Variants in ZNF385D observed in about 807,000 individuals in gnomAD.
ZNF385D encodes zinc finger protein 659.
ZNF385D carries 15 observed loss-of-function variants against 35.8 expected under a neutral mutation model. The ratio of observed to expected loss-of-function variants is 0.42; its 90% CI spans 0.28 to 0.64. ZNF385D has a LOEUF of 0.64. ZNF385D is among the 30% of genes least tolerant of loss of function. The probability of loss-of-function intolerance (pLI) is 0.23; values close to 1 mark genes in which losing one functional copy is unlikely to be tolerated. For missense variants in ZNF385D, 474 were observed against 494.6 expected (o/e 0.96, Z 0.39); for synonymous variants, 212 against 186.8 (o/e 1.13, Z -1.10).
intron 2 of ZNF385D, chr3:21,579,050 T>C (rs2063576451): frequency 6.6e-6 from 1 of 152,184 alleles, no homozygotes; most frequent in Non-Finnish European, 1.5e-5. Flanking sequence ...GAATCCTGTT[T>C]CTAGTGGCCT....
chr3:22,186,362 A>C (rs954512692), intron 2 of ZNF385D, among the ~76,000 whole-genome samples: 19 of 152,186 alleles, frequency 1.2e-4, no homozygotes, highest in Admixed American at 2.6e-4. Context: ...CTTCAAGGAA[A>C]TGGTCAACCA....
At chr3:22,278,582 A>G (rs1399811756) in intron 2 of ZNF385D, among the ~76,000 whole-genome samples, 1 of 152,100 alleles carries the variant, frequency 6.6e-6, no homozygotes, top group Non-Finnish European at 1.5e-5. Flanking sequence ...ATTTAGTTCT[A>G]TAATTCTCCT....
intron 2 of ZNF385D, among the ~76,000 whole-genome samples, chr3:22,174,468 G>A (rs926278282): frequency 8.5e-5 from 13 of 152,122 alleles, no homozygotes; most frequent in African/African-American, 2.7e-4. Flanking sequence ...GACTTACAAA[G>A]TCATACGACT....
chr3:22,156,744 CTAAA>C (rs1408111270), intron 3 of ZNF385D, among the ~76,000 whole-genome samples: 2 of 152,030 alleles, frequency 1.3e-5, no homozygotes, highest in African/African-American at 2.4e-5. Context: ...CTATTTCTAA[CTAAA>C]TGTTACTGTA....
chr3:21,699,352 A>T (rs2067589666), intron 1 of ZNF385D, among the ~76,000 whole-genome samples: 3 of 151,998 alleles, frequency 2.0e-5, no homozygotes, highest in Admixed American at 6.6e-5. Flanking sequence ...GTGAGGGGCT[A>T]GGGGAGGGAT....
chr3:22,129,622 G>A (rs546496010), intron 3 of ZNF385D, among the ~76,000 whole-genome samples: 6 of 152,226 alleles, frequency 3.9e-5, no homozygotes, highest in African/African-American at 1.4e-4. Context: ...CAGATTTGTG[G>A]TGACTGTAGC....
At chr3:22,137,391 T>C (rs1704209479) in intron 3 of ZNF385D, among the ~76,000 whole-genome samples, 1 of 152,070 alleles carries the variant, frequency 6.6e-6, no homozygotes, top group African/African-American at 2.4e-5. Context: ...TAGACCAATA[T>C]CCTTGATGAA....
chr3:22,272,133 C>T (rs1028941487), intron 2 of ZNF385D, among the ~76,000 whole-genome samples: 3 of 152,078 alleles, frequency 2.0e-5, no homozygotes, highest in East Asian at 1.9e-4. Context: ...ACTCTTGAGA[C>T]GACACTCAAG....
intron 3 of ZNF385D, among the ~76,000 whole-genome samples, chr3:21,823,466 C>T (rs931315894): frequency 1.3e-5 from 2 of 152,122 alleles, no homozygotes; most frequent in East Asian, 1.9e-4. Context: ...CATACACACA[C>T]GGACGCAGCA....
intron 3 of ZNF385D, among the ~76,000 whole-genome samples, chr3:22,109,934 C>T (rs898090312): frequency 3.3e-5 from 5 of 152,060 alleles, no homozygotes; most frequent in African/African-American, 9.7e-5. Flanking sequence ...TGAACTCAAA[C>T]AAATTTACAA....
intron 3 of ZNF385D, among the ~76,000 whole-genome samples, chr3:22,085,701 TTA>T (rs1183634648): frequency 6.6e-6 from 1 of 151,520 alleles, no homozygotes; most frequent in African/African-American, 2.4e-5. Context: ...CTAACTCATT[TTA>T]TGAGGCCAGA....
intron 3 of ZNF385D, among the ~76,000 whole-genome samples, chr3:22,063,275 AAC>A (rs1699778002): frequency 6.6e-6 from 1 of 152,164 alleles, no homozygotes; most frequent in South Asian, 2.1e-4. Context: ...AAATTCCTAG[AAC>A]ATTGTCTGAT....
chr3:21,798,157 T>C (rs1358422662), intron 3 of ZNF385D, among the ~76,000 whole-genome samples: 2 of 152,288 alleles, frequency 1.3e-5, no homozygotes, highest in Non-Finnish European at 1.5e-5. Context: ...TCTCTGTACC[T>C]GCCTTTTAAT....
At chr3:21,872,236 A>C (rs967119573) in intron 3 of ZNF385D, among the ~76,000 whole-genome samples, 4 of 152,176 alleles carry the variant, frequency 2.6e-5, no homozygotes, top group African/African-American at 9.6e-5. Context: ...ATGTGGCGAC[A>C]ACTGCCTTTA....
chr3:21,471,295 TCA>T (rs151185506), intron 4 of ZNF385D, among the ~76,000 whole-genome samples: 994 of 85,968 alleles, frequency 0.012, 11 homozygotes, highest in Middle Eastern at 0.024. Context: ...TCTCTCTCTC[TCA>T]CACACACACA....
At chr3:21,433,803 A>G (rs988351433) in intron 5 of ZNF385D, among the ~76,000 whole-genome samples, 12 of 152,160 alleles carry the variant, frequency 7.9e-5, no homozygotes, top group Admixed American at 5.9e-4. Flanking sequence ...ATTTTAAACA[A>G]TTAATGTGGT....
intron 2 of ZNF385D, among the ~76,000 whole-genome samples, chr3:22,344,658 G>C (rs771192162): frequency 6.6e-6 from 1 of 152,104 alleles, no homozygotes; most frequent in African/African-American, 2.4e-5. Context: ...CTGGGCTCTA[G>C]TGTTCTGCCT....
At position 21,982,012 on chromosome 3, in the gene ZNF385D, GTTC is replaced by G. The variant is rs555482840; in HGVS notation, c.325+186802_325+186804del. Among the ~76,000 whole-genome samples, 263 of 148,030 alleles carry G rather than the reference GTTC, an allele frequency of 1.8e-3. 1 individual carries two copies. Among genetic ancestry groups the G allele is most frequent in the African/African-American group, 5.9e-3 (234 of 39,836 alleles). On this transcript the variant is annotated intron_variant, in intron 3 of 5. Coordinates refer to the ZNF385D transcript ENST00000494108. Reference sequence around the variant, plus strand: ...CAGGTAACATGATGCCTCCAGCTTTGTTCTTTGTGCTTAGGATCGCCTTGGCTA... The same window carrying G: ...CAGGTAACATGATGCCTCCAGCTTTGTTTGTGCTTAGGATCGCCTTGGCTA...
intron 2 of ZNF385D, among the ~76,000 whole-genome samples, chr3:22,221,055 G>C (rs1226678519): frequency 6.6e-6 from 1 of 151,898 alleles, no homozygotes; most frequent in East Asian, 1.9e-4. Flanking sequence ...GACAGCAATA[G>C]CATATAATCA....
Sources: gnomAD v4.1 joint callset for allele counts (sites outside exome capture counted in the v4.1 genomes callset) on GRCh38, gnomAD v4.1.1 for gene constraint, MANE v1.5 for transcripts, NCBI Gene and HGNC (gene_info 2026-07-23, HGNC 2026-07-21) for gene names.